The following CDHR2 variants were observed in gnomAD, a reference collection of about 807,000 sequenced individuals.
CDHR2 encodes cadherin-related family member 2.
Under a neutral mutation model 138.6 loss-of-function variants are expected in CDHR2, and 104 were observed. The observed-to-expected ratio is 0.75, with a 90% confidence interval of 0.64 to 0.88. The LOEUF is 0.88. Ranked by LOEUF, CDHR2 falls within the 40% of genes least tolerant of loss-of-function variation. The probability of loss-of-function intolerance (pLI) is 0.00; values close to 1 mark genes in which losing one functional copy is unlikely to be tolerated. For missense variants in CDHR2, 1,624 were observed against 1,727.6 expected, an observed-to-expected ratio of 0.94 and a Z score of 1.06; for synonymous variants, 755 against 742.8, an observed-to-expected ratio of 1.02 and a Z score of -0.27.
At position 176,575,705 on chromosome 5, in the gene CDHR2, C is replaced by A; in HGVS notation, c.845-19C>A. 1 of 1,589,656 alleles carries A rather than the reference C, an allele frequency of 6.3e-7. No homozygotes were observed. Among genetic ancestry groups the A allele is most frequent in the Non-Finnish European group, 8.6e-7 (1 of 1,167,576 alleles). ...CACTGGAGCAGCTGTTCCAGCTGTT[C>A]CGCCTTTCTCCTTGCCAGACTCCAC... is the stretch of plus-strand genomic sequence containing the variant. On this transcript the variant is annotated intron_variant, in intron 10 of 31. Transcript: ENST00000261944.
At chr5:176,581,933 A>C (rs1758543818) in intron 17 of CDHR2, among the ~76,000 whole-genome samples, 1 of 152,214 alleles carries the variant, frequency 6.6e-6, no homozygotes, top group Non-Finnish European at 1.5e-5. Context: ...GGAAGGGGTG[A>C]AAATCAGCAT....
upstream of CDHR2, chr5:176,549,258 G>A (rs1165096581): frequency 6.6e-6 from 1 of 152,342 alleles, no homozygotes; most frequent in African/African-American, 2.4e-5. Context: ...CCCCTCCTGG[G>A]AGGTGTGGTC....
rs760127288 is a variant in CDHR2 at position 176,575,593 on chromosome 5, G to T, written c.844+12G>T. The T allele has an allele frequency of 6.2e-7, 1 of 1,613,822 alleles. No individual in the cohort carries two copies. Among genetic ancestry groups the T allele is most frequent in the African/African-American group, 1.3e-5 (1 of 75,058 alleles). On this transcript the variant is annotated intron_variant, in intron 10 of 31. Transcript: ENST00000261944. Reference sequence around the variant, plus strand: ...CTACAGCATCTCCTGTGAGAACGGGGTGTCCCCAGGCCAGGGCTGGGCCGG... The same window carrying T: ...CTACAGCATCTCCTGTGAGAACGGGTTGTCCCCAGGCCAGGGCTGGGCCGG...
Position 176,595,544 on chromosome 5 carries a change from CCA to C in CDHR2, c.3813_3814del (p.Pro1272ThrfsTer?). The C allele has an allele frequency of 6.2e-7, 1 of 1,606,026 alleles. No homozygotes were observed. Among genetic ancestry groups the C allele is most frequent in the Non-Finnish European group, 8.5e-7 (1 of 1,175,956 alleles). On this transcript the variant is annotated frameshift_variant, in exon 32 of 32. Coordinates refer to ENST00000261944, the MANE Select transcript of CDHR2 (RefSeq NM_017675.6). LOFTEE classifies it low-confidence loss of function (END_TRUNC). ...NSQEIKEHRP[P>X]HTPPEPDPEP... ...CCTCTCCCTGCAGGAGCACAGGCCACCACACACACCACCAGAGCCAGATCCAG... is the reference window on the plus strand; with the variant it reads ...CCTCTCCCTGCAGGAGCACAGGCCACCACACACCACCAGAGCCAGATCCAG...
At chr5:176,585,703 G>A (rs567769608) in intron 19 of CDHR2, among the ~76,000 whole-genome samples, 1 of 152,198 alleles carries the variant, frequency 6.6e-6, no homozygotes, top group Non-Finnish European at 1.5e-5. Flanking sequence ...AGAGAAGACC[G>A]ATCAGGCATT....
intron 20 of CDHR2, 150 bp from the exon 21 acceptor site, chr5:176,586,643 G>A: frequency 1.5e-6 from 1 of 650,496 alleles, no homozygotes; most frequent in Non-Finnish European, 2.7e-6. Context: ...CTAACTACTG[G>A]CCCAGTGGTG....
chr5:176,566,998 C>T (rs1291500714), intron 3 of CDHR2: 1 of 456,162 alleles, frequency 2.2e-6, no homozygotes, highest in African/African-American at 2.0e-5. Context: ...CAAGAGACAC[C>T]AAGGGGTATT....
At position 176,589,163 on chromosome 5, in the gene CDHR2, G is replaced by A. The variant is rs370718457; in HGVS notation, c.2989G>A (p.Val997Met). The A allele has an allele frequency of 1.4e-5, 22 of 1,614,032 alleles. No homozygotes were observed. The highest frequency in any genetic ancestry group is 8.9e-5 in the East Asian group (4 of 44,894). Residue 997 changes from valine to methionine, a missense_variant, in exon 22 of 32, where the codon GTG becomes ATG. Physicochemically the swap from Val to Met is conservative, Grantham distance 21 (BLOSUM62 1). This residue lies in a region of CDHR2 where 556 missense variants were observed against 565.7 expected (regional missense o/e 0.98). Transcript: ENST00000261944. ...FSIFTSSEAD[V>M]FAGSIQPVTS... ...GATCTTCACCTCCTCCGAGGCCGAC[G>A]TGTTCGCTGGGAGCATTCAGTAACT... is the stretch of plus-strand genomic sequence containing the variant.
At chr5:176,566,519 A>G (rs1758084964) in intron 3 of CDHR2, among the ~76,000 whole-genome samples, 1 of 152,180 alleles carries the variant, frequency 6.6e-6, no homozygotes, top group African/African-American at 2.4e-5. Flanking sequence ...GAGGTGAATT[A>G]CCGCCCCTCG....
intron 19 of CDHR2, 52 bp downstream of exon 19, chr5:176,585,067 G>T: frequency 6.7e-7 from 1 of 1,487,852 alleles, no homozygotes; most frequent in South Asian, 1.3e-5. Flanking sequence ...TAGGGGCCGC[G>T]GGAAGGAGCC....
chr5:176,544,232 C>T (rs1304748636), intron 1 of CDHR2, among the ~76,000 whole-genome samples: 1 of 152,230 alleles, frequency 6.6e-6, no homozygotes, highest in African/African-American at 2.4e-5. Flanking sequence ...GAACAGCCAC[C>T]TAAAGGAGAG....
At chr5:176,542,741 C>A (rs1045831477) in exon 1 of CDHR2, 8 of 152,364 alleles carry the variant, frequency 5.3e-5, no homozygotes, top group Non-Finnish European at 1.2e-4. Context: ...TCTCTCCGGA[C>A]CCCGCAGCGT....
At chr5:176,560,661 T>G (rs1487424234) in intron 1 of CDHR2, among the ~76,000 whole-genome samples, 1 of 152,246 alleles carries the variant, frequency 6.6e-6, no homozygotes, top group African/African-American at 2.4e-5. Context: ...GAACCTGCAC[T>G]GTTTTGCTCA....
chr5:176,549,687 G>A (rs1460689289), intron 1 of CDHR2, among the ~76,000 whole-genome samples: 1 of 152,166 alleles, frequency 6.6e-6, no homozygotes, highest in Non-Finnish European at 1.5e-5. Context: ...TTCAGAGGAT[G>A]GAAGGGAGGC....
intron 1 of CDHR2, among the ~76,000 whole-genome samples, chr5:176,557,857 G>A (rs1010173293): frequency 4.0e-5 from 6 of 151,644 alleles, no homozygotes; most frequent in Admixed American, 2.6e-4. Flanking sequence ...ACAGGAGCCC[G>A]CCACCATGCC....
chr5:176,569,883 C>A (rs1472977864), intron 5 of CDHR2, among the ~76,000 whole-genome samples: 1 of 151,822 alleles, frequency 6.6e-6, no homozygotes, highest in African/African-American at 2.4e-5. Context: ...TCGCTTGAAC[C>A]CGGGAGGTGG....
chr5:176,565,577 G>A, intron 2 of CDHR2, 95 bp from the exon 3 acceptor site: 1 of 1,277,734 alleles, frequency 7.8e-7, no homozygotes, highest in Non-Finnish European at 1.1e-6. Flanking sequence ...GGTGGCCTGG[G>A]TGGCCATAAG....
At position 176,591,219 on chromosome 5, in the gene CDHR2, G is replaced by T. The variant is rs1291579824; in HGVS notation, c.3549G>T (p.Arg1183=). ...TTCCGGTTCCCCACAGCTACAACCG[G>T]AAGCTTCAAGCTATGAAGGCTGCCA... The part of the protein sequence containing the change: ...AFVCVRKSYN[R]KLQAMKAAKE... The change falls in exon 29 of 32, where the codon CGG becomes CGT. Residue 1183 remains arginine, a synonymous_variant. Transcript: ENST00000261944. 2 of 1,612,904 alleles carry T rather than the reference G, an allele frequency of 1.2e-6. No individual in the cohort carries two copies. The highest frequency in any genetic ancestry group is 1.7e-5 in the Admixed American group (1 of 60,030).
chr5:176,544,435 C>CTTTCTTTCTTTCTCTCTT (rs1443694867), upstream of CDHR2, among the ~76,000 whole-genome samples: 1 of 10,580 alleles, frequency 9.5e-5, no homozygotes, highest in Non-Finnish European at 6.7e-4. Flanking sequence ...TATTTTCTTT[C>CTTTCTTTCTTTCTCTCTT]TTTCTTTCTC....
Sources: allele counts gnomAD v4.1 joint callset (sites outside exome capture counted in the v4.1 genomes callset), GRCh38; gene constraint gnomAD v4.1.1; regional missense constraint gnomAD v4.1.1; transcripts MANE v1.5; gene names NCBI Gene and HGNC (gene_info 2026-07-23, HGNC 2026-07-21).